LRRTM4: variants seen among roughly 807,000 people sequenced by gnomAD.
LRRTM4 encodes leucine-rich repeat transmembrane neuronal protein 4.
A neutral mutation model predicts 47.6 loss-of-function variants in LRRTM4; 25 were observed. The observed-to-expected ratio is 0.53, with a 90% confidence interval of 0.38 to 0.73. LRRTM4 has a LOEUF of 0.73. Among genes scored for constraint, LRRTM4 ranks in the 30% least tolerant of loss-of-function variants. The pLI, the probability that LRRTM4 is intolerant of heterozygous loss-of-function variation, is 0.00. For synonymous variants in LRRTM4, 311 were observed against 269.5 expected, an observed-to-expected ratio of 1.15 and a Z score of -1.51; for missense variants, 638 against 713.4, an observed-to-expected ratio of 0.89 and a Z score of 1.20.
intron 3 of LRRTM4, among the ~76,000 whole-genome samples, chr2:76,875,708 TGAG>T (rs1672759022): frequency 6.6e-6 from 1 of 152,198 alleles, no homozygotes; most frequent in South Asian, 2.1e-4. Flanking sequence ...CCACTGCCAT[TGAG>T]GAGTCATTCT....
intron 3 of LRRTM4, among the ~76,000 whole-genome samples, chr2:77,086,691 C>T (rs28558448): frequency 0.14 from 21,644 of 151,780 alleles, 2,279 homozygotes; most frequent in East Asian, 0.42. Flanking sequence ...GACGGGGTTT[C>T]ACCACACTGG....
chr2:77,319,558 T>A (rs1677726998), intron 3 of LRRTM4, among the ~76,000 whole-genome samples: 1 of 152,198 alleles, frequency 6.6e-6, no homozygotes, highest in South Asian at 2.1e-4. Context: ...AGGGAGTTTT[T>A]GAATGCCTTC....
chr2:77,195,368 G>A (rs1036112507), intron 3 of LRRTM4, among the ~76,000 whole-genome samples: 4 of 151,860 alleles, frequency 2.6e-5, no homozygotes, highest in African/African-American at 9.7e-5. Context: ...GATTTCTGGA[G>A]GGATGATTTA....
intron 3 of LRRTM4, among the ~76,000 whole-genome samples, chr2:76,994,540 TCTG>T (rs57966893): frequency 0.086 from 13,061 of 151,860 alleles, 890 homozygotes; most frequent in East Asian, 0.37. Flanking sequence ...CCTCATGACT[TCTG>T]CTACCATTAT....
intron 3 of LRRTM4, among the ~76,000 whole-genome samples, chr2:77,158,775 G>A (rs1313257693): frequency 1.3e-5 from 2 of 151,114 alleles, no homozygotes; most frequent in Admixed American, 6.6e-5. Context: ...AGTAATCTAA[G>A]TGCTTTTTTC....
chr2:77,030,335 G>A (rs1394359106), intron 3 of LRRTM4, among the ~76,000 whole-genome samples: 3 of 152,288 alleles, frequency 2.0e-5, no homozygotes, highest in East Asian at 3.9e-4. Flanking sequence ...TCGGGAGGCT[G>A]AGGCAGGAGA....
At chr2:77,142,442 C>G (rs573258192) in intron 3 of LRRTM4, among the ~76,000 whole-genome samples, 1 of 151,584 alleles carries the variant, frequency 6.6e-6, no homozygotes. Context: ...CACACACACA[C>G]ACACACACAC....
At chr2:76,988,332 T>C (rs1676876129) in intron 3 of LRRTM4, among the ~76,000 whole-genome samples, 1 of 151,846 alleles carries the variant, frequency 6.6e-6, no homozygotes, top group Non-Finnish European at 1.5e-5. Flanking sequence ...AGGCCAGCAA[T>C]CTACCAAAAC....
At chr2:77,470,806 G>C (rs956515408) in intron 3 of LRRTM4, among the ~76,000 whole-genome samples, 1 of 152,048 alleles carries the variant, frequency 6.6e-6, no homozygotes, top group African/African-American at 2.4e-5. Context: ...AGATTATATG[G>C]ATTAGGATAC....
intron 3 of LRRTM4, among the ~76,000 whole-genome samples, chr2:77,415,961 G>A (rs1230890121): frequency 3.3e-5 from 5 of 151,752 alleles, no homozygotes; most frequent in African/African-American, 1.2e-4. Context: ...TTTATTTTTG[G>A]TTACTAGATG....
chr2:77,058,011 A>C (rs779708859), intron 3 of LRRTM4, among the ~76,000 whole-genome samples: 11 of 151,922 alleles, frequency 7.2e-5, no homozygotes, highest in Non-Finnish European at 1.5e-4. Context: ...TCCTCCAATA[A>C]ATTTTTGTCA....
chr2:76,993,247 C>T (rs185299804), intron 3 of LRRTM4, among the ~76,000 whole-genome samples: 1 of 151,890 alleles, frequency 6.6e-6, no homozygotes, highest in Non-Finnish European at 1.5e-5. Context: ...AAAACAATTG[C>T]AACAAAAGCA....
At chr2:77,100,353 A>G (rs973914537) in intron 3 of LRRTM4, among the ~76,000 whole-genome samples, 1 of 152,322 alleles carries the variant, frequency 6.6e-6, no homozygotes, top group South Asian at 2.1e-4. Flanking sequence ...AAAATTTCAT[A>G]CAACATAATA....
chr2:77,125,440 T>C (rs976635241), intron 3 of LRRTM4, among the ~76,000 whole-genome samples: 1 of 152,144 alleles, frequency 6.6e-6, no homozygotes, highest in Non-Finnish European at 1.5e-5. Context: ...TGGCATGCAT[T>C]TGATAGACCA....
intron 3 of LRRTM4, among the ~76,000 whole-genome samples, chr2:77,237,336 AAGAAGTATTGATAAT>A (rs1675130163): frequency 6.6e-6 from 1 of 152,022 alleles, no homozygotes; most frequent in Non-Finnish European, 1.5e-5. Flanking sequence ...TTTGTATACA[AAGAAGTATTGATAAT>A]AGTTTCTGTG....
intron 3 of LRRTM4, among the ~76,000 whole-genome samples, chr2:77,449,261 G>A (rs570018698): frequency 1.1e-4 from 16 of 152,224 alleles, no homozygotes; most frequent in African/African-American, 3.1e-4. Context: ...GTTTTATAGC[G>A]CAGGTTCATT....
chr2:76,843,076 A>G (rs1671735008), intron 3 of LRRTM4, among the ~76,000 whole-genome samples: 3 of 152,182 alleles, frequency 2.0e-5, no homozygotes, highest in Admixed American at 6.6e-5. Flanking sequence ...TACCTTCAAC[A>G]TTAGAATGTA....
intron 3 of LRRTM4, among the ~76,000 whole-genome samples, chr2:77,467,837 G>C (rs1343656760): frequency 6.6e-6 from 1 of 151,888 alleles, no homozygotes; most frequent in African/African-American, 2.4e-5. Flanking sequence ...ATTTTTGTGT[G>C]CTAAAAATAA....
chr2:77,290,864 C>T (rs374317576), intron 3 of LRRTM4, among the ~76,000 whole-genome samples: 8 of 151,898 alleles, frequency 5.3e-5, no homozygotes, highest in East Asian at 1.9e-4. Context: ...TTAGAATTTG[C>T]GCTTTTCCGA....
Sources: allele counts gnomAD v4.1 joint callset (sites outside exome capture counted in the v4.1 genomes callset), GRCh38; gene constraint gnomAD v4.1.1; transcripts MANE v1.5; gene names NCBI Gene and HGNC (gene_info 2026-07-23, HGNC 2026-07-21).